The following PIK3C3 variants were observed in gnomAD, a reference collection of about 807,000 sequenced individuals.
The protein encoded by PIK3C3 is PI3-kinase type 3.
A neutral mutation model predicts 126.1 loss-of-function variants in PIK3C3; 95 were observed. The ratio of observed to expected loss-of-function variants is 0.75; its 90% CI spans 0.64 to 0.89. The LOEUF (loss-of-function observed/expected upper bound fraction) is 0.89, where lower values mean the gene tolerates loss of function less well. PIK3C3 is among the 40% of genes least tolerant of loss of function. The probability of loss-of-function intolerance (pLI) is 0.00; values close to 1 mark genes in which losing one functional copy is unlikely to be tolerated. For synonymous variants in PIK3C3, 374 were observed against 360.0 expected, an observed-to-expected ratio of 1.04 and a Z score of -0.44; for missense variants, 829 against 1,063.2, an observed-to-expected ratio of 0.78 and a Z score of 3.06.
intron 1 of PIK3C3, among the ~76,000 whole-genome samples, 156 bp from the exon 2 acceptor site, chr18:41,957,414 T>C (rs2144283708): frequency 6.6e-6 from 1 of 152,356 alleles, no homozygotes; most frequent in African/African-American, 2.4e-5. Flanking sequence ...AGGAAAATGT[T>C]GTTTAGGTAG....
At chr18:41,998,223 T>A (rs1042427852) in intron 9 of PIK3C3, among the ~76,000 whole-genome samples, 3 of 152,276 alleles carry the variant, frequency 2.0e-5, no homozygotes, top group Admixed American at 1.3e-4. Flanking sequence ...ATTTTCAATT[T>A]ACTATAGCTT....
intron 20 of PIK3C3, 108 bp downstream of exon 20, chr18:42,043,925 T>A: frequency 1.5e-6 from 1 of 678,152 alleles, no homozygotes; most frequent in South Asian, 1.9e-5. Flanking sequence ...TTAAATGCTC[T>A]ATAGGAAGAG....
intron 6 of PIK3C3, among the ~76,000 whole-genome samples, chr18:41,991,136 T>C (rs981173578): frequency 2.0e-5 from 3 of 152,196 alleles, no homozygotes; most frequent in Admixed American, 1.3e-4. Context: ...GTGTTTATTA[T>C]GTACCTACTT....
chr18:41,987,093 T>C (rs934792032), intron 4 of PIK3C3, among the ~76,000 whole-genome samples: 9 of 150,326 alleles, frequency 6.0e-5, no homozygotes, highest in Admixed American at 3.4e-4. Context: ...TGCTTTATAC[T>C]GTCAATTTGT....
At chr18:42,054,142 A>C (rs1193118753) in intron 21 of PIK3C3, among the ~76,000 whole-genome samples, 2,876 of 17,130 alleles carry the variant, frequency 0.17, 268 homozygotes, top group South Asian at 0.24. Context: ...ATATATATAT[A>C]TATATATATA....
At chr18:42,032,624 T>TTTA (rs1983878460) in intron 15 of PIK3C3, among the ~76,000 whole-genome samples, 1 of 144,012 alleles carries the variant, frequency 6.9e-6, no homozygotes, top group Non-Finnish European at 1.5e-5. Context: ...TTTCTGGTTA[T>TTTA]TTTATTTATT....
intron 19 of PIK3C3, among the ~76,000 whole-genome samples, chr18:42,041,002 G>T (rs1395397955): frequency 6.6e-6 from 1 of 152,078 alleles, no homozygotes; most frequent in Non-Finnish European, 1.5e-5. Flanking sequence ...GGCCAACATG[G>T]TGAAACCTGT....
chr18:42,065,711 A>AT (rs890609381), intron 23 of PIK3C3, among the ~76,000 whole-genome samples: 26 of 151,438 alleles, frequency 1.7e-4, no homozygotes, highest in African/African-American at 5.8e-4. Context: ...AAAGATGGGG[A>AT]TTTTTTTTTA....
intron 11 of PIK3C3, among the ~76,000 whole-genome samples, chr18:42,014,860 T>C (rs573835): frequency 0.49 from 74,950 of 152,002 alleles, 20,182 homozygotes; most frequent in African/African-American, 0.72. Context: ...CTTTCCCAGG[T>C]TACTTTATAT....
intron 22 of PIK3C3, among the ~76,000 whole-genome samples, chr18:42,059,302 T>C (rs974849254): frequency 2.0e-5 from 3 of 152,202 alleles, no homozygotes; most frequent in Non-Finnish European, 4.4e-5. Flanking sequence ...AGTTTTACCT[T>C]CCAGAAATGC....
chr18:41,998,515 ATTGT>A (rs66806224), intron 9 of PIK3C3, among the ~76,000 whole-genome samples: 33,836 of 151,896 alleles, frequency 0.22, 4,214 homozygotes, highest in South Asian at 0.39. Context: ...TGCAAGAAAA[ATTGT>A]TTGTTTAAAC....
intron 20 of PIK3C3, 64 bp downstream of exon 20, chr18:42,043,881 G>A: frequency 1.0e-6 from 1 of 992,926 alleles, no homozygotes; most frequent in South Asian, 1.3e-5. Flanking sequence ...TCCTGATATT[G>A]CCATAATCAT....
chr18:42,054,338 G>A (rs1226865275), intron 21 of PIK3C3, among the ~76,000 whole-genome samples: 1 of 150,934 alleles, frequency 6.6e-6, no homozygotes, highest in South Asian at 2.1e-4. Context: ...CATTCAGCAC[G>A]AGAGAAAGAT....
intron 9 of PIK3C3, among the ~76,000 whole-genome samples, chr18:41,997,143 CTCT>C (rs1982066554): frequency 1.3e-5 from 2 of 152,068 alleles, no homozygotes; most frequent in African/African-American, 2.4e-5. Context: ...AATGCTGGTT[CTCT>C]TCTTCTTACC....
chr18:42,020,077 A>G (rs1298110179), intron 12 of PIK3C3, among the ~76,000 whole-genome samples: 1 of 152,106 alleles, frequency 6.6e-6, no homozygotes, highest in Non-Finnish European at 1.5e-5. Flanking sequence ...ACAACCAGTC[A>G]TTTTCCTAAA....
At chr18:42,067,144 T>C (rs1985575906) in intron 23 of PIK3C3, among the ~76,000 whole-genome samples, 1 of 152,176 alleles carries the variant, frequency 6.6e-6, no homozygotes, top group Non-Finnish European at 1.5e-5. Flanking sequence ...ATATTTCTTC[T>C]TTTCTTTTTT....
rs1310794091 is a variant in PIK3C3, at chr18:42,068,420, A to G, written c.2649+907A>G. Among the ~76,000 whole-genome samples, 7 of 152,208 alleles carry G rather than the reference A, an allele frequency of 4.6e-5. No homozygotes were observed. The East Asian group carries it at 9.7e-4, about 21-fold the overall frequency. On this transcript the variant is annotated intron_variant, in intron 24 of 24. Coordinates refer to ENST00000262039, the MANE Select transcript of PIK3C3 (RefSeq NM_002647.4). ...CATAGTGGACAACTTTGCTGCTGTC[A>G]TTTCTTCAGCCCAGAAATCAATCTT...
intron 4 of PIK3C3, chr18:41,970,755 C>T (rs1980625734): frequency 5.5e-6 from 3 of 545,194 alleles, no homozygotes; most frequent in Non-Finnish European, 6.5e-6. Flanking sequence ...CTGCTCCCTG[C>T]AGTTAGTTCC....
chr18:41,995,051 A>G (rs1981961446), intron 7 of PIK3C3, among the ~76,000 whole-genome samples: 1 of 152,000 alleles, frequency 6.6e-6, no homozygotes, highest in African/African-American at 2.4e-5. Flanking sequence ...AAAAGAAACC[A>G]CACTAGTATT....
Sources: gnomAD v4.1 joint callset for allele counts (sites outside exome capture counted in the v4.1 genomes callset) on GRCh38, gnomAD v4.1.1 for gene constraint, MANE v1.5 for transcripts, NCBI Gene and HGNC (gene_info 2026-07-23, HGNC 2026-07-21) for gene names.